The following ROR2 variants were observed in gnomAD, a reference collection of about 807,000 sequenced individuals.
ROR2 encodes tyrosine-protein kinase transmembrane receptor ROR2.
In ROR2, 33 loss-of-function variants were observed where a neutral mutation model predicts 74.9. The ratio of observed to expected loss-of-function variants is 0.44; its 90% CI spans 0.33 to 0.59. ROR2 has a LOEUF of 0.59. ROR2 is among the 20% of genes least tolerant of loss of function. The pLI is 0.02. For missense variants in ROR2, 1,216 were observed against 1,313.8 expected (o/e 0.93, Z 1.15); for synonymous variants, 586 against 558.7 (o/e 1.05, Z -0.69).
At chr9:91,944,891 A>G (rs1234800531) in intron 1 of ROR2, among the ~76,000 whole-genome samples, 1 of 151,796 alleles carries the variant, frequency 6.6e-6, no homozygotes, top group Non-Finnish European at 1.5e-5. Context: ...CATCTCTACG[A>G]AAAAAAATCA....
At chr9:91,727,749 G>A (rs941982890) in intron 7 of ROR2, among the ~76,000 whole-genome samples, 3 of 152,146 alleles carry the variant, frequency 2.0e-5, no homozygotes, top group Non-Finnish European at 2.9e-5. Flanking sequence ...ATGGCCAGGG[G>A]GCAAAGCGCT....
At chr9:91,744,406 A>G in intron 4 of ROR2, among the ~76,000 whole-genome samples, 1 of 151,646 alleles carries the variant, frequency 6.6e-6, no homozygotes. Flanking sequence ...ATTTTTTAGT[A>G]GAGATAGAGT....
intron 1 of ROR2, among the ~76,000 whole-genome samples, chr9:91,891,266 TTTTC>T (rs1830413238): frequency 6.6e-6 from 1 of 151,400 alleles, no homozygotes; most frequent in Non-Finnish European, 1.5e-5. Context: ...TTTTTTTTTT[TTTTC>T]TTCTTTTGAG....
intron 1 of ROR2, among the ~76,000 whole-genome samples, chr9:91,841,128 A>C (rs1014042525): frequency 6.6e-6 from 1 of 152,214 alleles, no homozygotes; most frequent in South Asian, 2.1e-4. Context: ...CCTTGAGCTC[A>C]CGTATGCTCC....
At chr9:91,864,572 C>T (rs764597438) in intron 1 of ROR2, among the ~76,000 whole-genome samples, 4 of 152,222 alleles carry the variant, frequency 2.6e-5, no homozygotes, top group Admixed American at 1.3e-4. Context: ...TGGAAGGCTT[C>T]TGGCCAGGAC....
At chr9:91,850,591 G>A (rs1463987629) in intron 1 of ROR2, among the ~76,000 whole-genome samples, 1 of 152,214 alleles carries the variant, frequency 6.6e-6, no homozygotes, top group Non-Finnish European at 1.5e-5. Flanking sequence ...GAAATGGGAA[G>A]AGGCTGTGGG....
chr9:91,897,475 G>C (rs943662305), intron 1 of ROR2, among the ~76,000 whole-genome samples: 21 of 151,948 alleles, frequency 1.4e-4, no homozygotes, highest in African/African-American at 4.6e-4. Flanking sequence ...TCAATAGTTA[G>C]TACAACCTTC....
intron 1 of ROR2, among the ~76,000 whole-genome samples, chr9:91,837,040 T>TA (rs1193254883): frequency 2.0e-5 from 3 of 152,156 alleles, no homozygotes; most frequent in Admixed American, 1.3e-4. Context: ...AATTTTTCTT[T>TA]AAAAAAACTG....
chr9:91,932,632 C>G (rs144203325), intron 1 of ROR2, among the ~76,000 whole-genome samples: 1,653 of 151,756 alleles, frequency 0.011, 15 homozygotes, highest in Non-Finnish European at 0.018. Context: ...CCATTGCACT[C>G]CAGCCTGGGC....
chr9:91,796,451 A>C (rs992258856), intron 1 of ROR2, among the ~76,000 whole-genome samples: 5 of 151,950 alleles, frequency 3.3e-5, no homozygotes, highest in Non-Finnish European at 7.4e-5. Context: ...AAAAAAAAAA[A>C]AAAACATTTT....
chr9:91,809,882 A>G (rs1827686837), intron 1 of ROR2, among the ~76,000 whole-genome samples: 1 of 152,216 alleles, frequency 6.6e-6, no homozygotes, highest in Admixed American at 6.5e-5. Flanking sequence ...GCACATCTTG[A>G]CTCAGCAACA....
At chr9:91,886,001 G>T (rs989298900) in intron 1 of ROR2, among the ~76,000 whole-genome samples, 1 of 148,510 alleles carries the variant, frequency 6.7e-6, no homozygotes, top group East Asian at 2.0e-4. Context: ...AGCCTCTCCC[G>T]AGTAGCTGGG....
chr9:91,827,942 T>C (rs963271606), intron 1 of ROR2, among the ~76,000 whole-genome samples: 2 of 152,264 alleles, frequency 1.3e-5, no homozygotes, highest in African/African-American at 4.8e-5. Context: ...AGCTTTTTTA[T>C]GTATTTGAAA....
chr9:91,743,629 A>C (rs1296785228), intron 4 of ROR2, among the ~76,000 whole-genome samples: 2 of 152,138 alleles, frequency 1.3e-5, no homozygotes, highest in Admixed American at 1.3e-4. Flanking sequence ...GTATCTAACA[A>C]GGACACCACA....
At chr9:91,858,040 C>G (rs1829352312) in intron 1 of ROR2, among the ~76,000 whole-genome samples, 1 of 152,164 alleles carries the variant, frequency 6.6e-6, no homozygotes, top group Non-Finnish European at 1.5e-5. Flanking sequence ...TGCTTCCCAC[C>G]CAGAATCCGG....
intron 1 of ROR2, among the ~76,000 whole-genome samples, chr9:91,836,823 T>G (rs541854884): frequency 6.6e-6 from 1 of 152,366 alleles, no homozygotes; most frequent in East Asian, 1.9e-4. Context: ...CTCTGCCGCC[T>G]GGGCAGTGGC....
At position 91,759,933 on chromosome 9, in the gene ROR2, C is replaced by T. The variant is rs572389522; in HGVS notation, c.176-2374G>A. ...TAACCTGATAATTTACAGCTGTCTC[C>T]CCAAGTAGGTGAGTAAAATTGAGCC... On this transcript the variant is annotated intron_variant, in intron 2 of 8. Transcript: ENST00000375708. 5.3e-5 allele frequency among the ~76,000 whole-genome samples: 8 copies of T among 152,222 alleles called. 1 individual carries two copies. In the Middle Eastern group the frequency reaches 0.01, roughly 194 times the overall value.
At chr9:91,883,873 C>T (rs1411049994) in intron 1 of ROR2, among the ~76,000 whole-genome samples, 1 of 152,136 alleles carries the variant, frequency 6.6e-6, no homozygotes, top group Non-Finnish European at 1.5e-5. Flanking sequence ...GGCCTCGGAA[C>T]CCCCTTCTCA....
intron 1 of ROR2, among the ~76,000 whole-genome samples, chr9:91,865,202 CCACATGAAGG>C (rs1398848824): frequency 2.0e-5 from 3 of 152,050 alleles, no homozygotes; most frequent in Non-Finnish European, 4.4e-5. Flanking sequence ...AAGAAAGAAA[CCACATGAAGG>C]CACTTGCTGC....
Sources: allele counts gnomAD v4.1 joint callset (sites outside exome capture counted in the v4.1 genomes callset), GRCh38; gene constraint gnomAD v4.1.1; transcripts MANE v1.5; gene names NCBI Gene and HGNC (gene_info 2026-07-23, HGNC 2026-07-21).